Variants in DPYD observed in about 807,000 individuals in gnomAD.
The protein encoded by DPYD is dihydropyrimidine dehydrogenase [NADP(+)].
A neutral mutation model predicts 116.2 loss-of-function variants in DPYD; 109 were observed. The observed-to-expected ratio is 0.94, with a 90% confidence interval of 0.80 to 1.10. DPYD has a LOEUF of 1.10. Ranked by LOEUF, DPYD falls within the 50% of genes least tolerant of loss-of-function variation. The pLI is 0.00. For synonymous variants in DPYD, 440 were observed against 432.0 expected (o/e 1.02, Z -0.23); for missense variants, 1,302 against 1,254.5 (o/e 1.04, Z -0.57).
intron 19 of DPYD, among the ~76,000 whole-genome samples, chr1:97,205,793 C>T (rs934797879): frequency 6.6e-6 from 1 of 152,020 alleles, no homozygotes; most frequent in African/African-American, 2.4e-5. Context: ...GTTGTAGAAA[C>T]CCTACTGCTG....
chr1:97,234,756 G>A (rs904150164), intron 19 of DPYD, 96 bp downstream of exon 19: 40 of 1,505,048 alleles, frequency 2.7e-5, no homozygotes, highest in Admixed American at 3.8e-5. Context: ...CTTTTCAAGA[G>A]GCCCAAAAAC....
At chr1:97,569,426 C>T (rs1039582666) in intron 11 of DPYD, among the ~76,000 whole-genome samples, 11 of 147,558 alleles carry the variant, frequency 7.5e-5, no homozygotes, top group African/African-American at 2.7e-4. Context: ...AATATATATT[C>T]ATATATTTAT....
rs555173611 is a variant in DPYD at position 97,688,660 on chromosome 1, AT to A, written c.762+3056del. Among the ~76,000 whole-genome samples, 70 of 152,230 alleles carry A rather than the reference AT, an allele frequency of 4.6e-4. 2 individuals are homozygous for A. The East Asian group carries it at 0.013, about 29-fold the overall frequency. ...TTATCAAAAATTCACAAAACAACAA[AT>A]AAAAATAAAGCAAAACAAAACAAAA... On this transcript the variant is annotated intron_variant, in intron 7 of 22. Transcript: ENST00000370192.
At chr1:97,425,445 A>G (rs1674809315) in intron 14 of DPYD, among the ~76,000 whole-genome samples, 1 of 152,094 alleles carries the variant, frequency 6.6e-6, no homozygotes, top group Non-Finnish European at 1.5e-5. Flanking sequence ...TATTGTTACT[A>G]AAACTGTAAA....
At chr1:97,665,503 T>C (rs1659507702) in intron 8 of DPYD, among the ~76,000 whole-genome samples, 2 of 152,168 alleles carry the variant, frequency 1.3e-5, no homozygotes, top group African/African-American at 4.8e-5. Flanking sequence ...AAAATTGAAT[T>C]AGTCAGTCTT....
intron 5 of DPYD, chr1:97,700,223 C>T (rs1208300758): frequency 1.3e-5 from 6 of 455,700 alleles, no homozygotes; most frequent in Non-Finnish European, 2.6e-5. Context: ...TTGAAGAGAA[C>T]CACAGCTCAG....
chr1:97,629,505 C>T (rs1283571346), intron 8 of DPYD, among the ~76,000 whole-genome samples: 2 of 152,038 alleles, frequency 1.3e-5, no homozygotes, highest in Admixed American at 6.6e-5. Context: ...GTTCTTTTAA[C>T]ACATCCTCCT....
chr1:97,474,811 TCTAA>T (rs60072799), intron 13 of DPYD, among the ~76,000 whole-genome samples: 25,318 of 151,886 alleles, frequency 0.17, 2,191 homozygotes, highest in African/African-American at 0.19. Flanking sequence ...AAATGTTTGA[TCTAA>T]CTTTTATATA....
intron 13 of DPYD, among the ~76,000 whole-genome samples, chr1:97,471,324 C>CA (rs1050818218): frequency 9.2e-5 from 14 of 151,944 alleles, no homozygotes; most frequent in Non-Finnish European, 1.9e-4. Flanking sequence ...AAAACAAAAA[C>CA]AAAGAGTCCG....
chr1:97,236,373 A>T (rs1369131228), intron 18 of DPYD, among the ~76,000 whole-genome samples: 2 of 152,144 alleles, frequency 1.3e-5, no homozygotes, highest in Admixed American at 6.5e-5. Flanking sequence ...CCTTTAAAAA[A>T]TGGCCAGAAC....
chr1:97,326,954 A>C (rs1418571289), intron 16 of DPYD, among the ~76,000 whole-genome samples: 2 of 152,072 alleles, frequency 1.3e-5, no homozygotes, highest in Non-Finnish European at 2.9e-5. Context: ...CAAGGCAATA[A>C]GTGTATGTAA....
chr1:97,191,105 AGC>A (rs963620484), intron 20 of DPYD, among the ~76,000 whole-genome samples: 7 of 20,066 alleles, frequency 3.5e-4, no homozygotes, highest in African/African-American at 5.9e-4. Flanking sequence ...CACACACAAA[AGC>A]AGCAGCAACA....
intron 20 of DPYD, among the ~76,000 whole-genome samples, chr1:97,175,182 A>G (rs1042685174): frequency 2.7e-5 from 4 of 149,540 alleles, no homozygotes; most frequent in African/African-American, 1.0e-4. Context: ...AAGCTGCTCA[A>G]TATCTTTGCC....
At chr1:97,257,475 A>AGAGAGAGAGAGAGC (rs1557977936) in intron 18 of DPYD, among the ~76,000 whole-genome samples, 2 of 150,288 alleles carry the variant, frequency 1.3e-5, no homozygotes, top group South Asian at 2.1e-4. Flanking sequence ...AGAGAGAGAG[A>AGAGAGAGAGAGAGC]GCACGTGAGT....
intron 12 of DPYD, among the ~76,000 whole-genome samples, chr1:97,527,840 A>G (rs1432804967): frequency 1.3e-5 from 2 of 151,552 alleles, no homozygotes; most frequent in African/African-American, 4.8e-5. Context: ...ACTAAAAGCA[A>G]TACTAGTGGT....
intron 3 of DPYD, among the ~76,000 whole-genome samples, chr1:97,760,527 G>T (rs1665517508): frequency 6.6e-6 from 1 of 152,118 alleles, no homozygotes. Context: ...ATCTAGAGAT[G>T]ATTTAAAGTA....
intron 18 of DPYD, among the ~76,000 whole-genome samples, 188 bp from the exon 19 acceptor site, chr1:97,235,182 A>G (rs544952067): frequency 6.6e-6 from 1 of 152,362 alleles, no homozygotes; most frequent in East Asian, 1.9e-4. Flanking sequence ...TAATTTGTTA[A>G]TGGATGTTTA....
At chr1:97,418,623 G>A (rs1674411599) in intron 14 of DPYD, among the ~76,000 whole-genome samples, 1 of 152,012 alleles carries the variant, frequency 6.6e-6, no homozygotes, top group African/African-American at 2.4e-5. Flanking sequence ...TATATTAAAA[G>A]TATCACACGT....
chr1:97,560,887 G>A (rs1296570281), intron 11 of DPYD, among the ~76,000 whole-genome samples: 2 of 152,134 alleles, frequency 1.3e-5, no homozygotes, highest in Admixed American at 6.6e-5. Context: ...AACCAGTCAC[G>A]TGATGACTTA....
Sources: gnomAD v4.1 joint callset for allele counts (sites outside exome capture counted in the v4.1 genomes callset) on GRCh38, gnomAD v4.1.1 for gene constraint, MANE v1.5 for transcripts, NCBI Gene and HGNC (gene_info 2026-07-23, HGNC 2026-07-21) for gene names.